Variants in ANAPC1 observed in about 807,000 individuals in gnomAD.
The protein encoded by ANAPC1 is anaphase promoting complex subunit 1.
In ANAPC1, 36 loss-of-function variants were observed where a neutral mutation model predicts 208.0. That is an observed-to-expected ratio of 0.17 (90% CI 0.13 to 0.23). The LOEUF (loss-of-function observed/expected upper bound fraction) is 0.23, where lower values mean the gene tolerates loss of function less well. Ranked by LOEUF, ANAPC1 falls within the 10% of genes least tolerant of loss-of-function variation. The pLI is 1.00. For missense variants in ANAPC1, 942 were observed against 2,011.6 expected (o/e 0.47, Z 10.17); for synonymous variants, 378 against 695.2 (o/e 0.54, Z 7.18).
At chr2:111,788,851 C>T (rs1371283483) in intron 38 of ANAPC1, among the ~76,000 whole-genome samples, 1 of 151,832 alleles carries the variant, frequency 6.6e-6, no homozygotes, top group South Asian at 2.1e-4. Context: ...TAAAAAGTTA[C>T]AACGAGGCCA....
intron 3 of ANAPC1, among the ~76,000 whole-genome samples, chr2:111,878,384 T>C (rs1296339944): frequency 1.3e-5 from 2 of 152,256 alleles, no homozygotes; most frequent in Non-Finnish European, 2.9e-5. Context: ...CAGTTAGTTA[T>C]AACAGCCAAC....
At chr2:111,830,222 G>A (rs1680061975) in intron 21 of ANAPC1, among the ~76,000 whole-genome samples, 1 of 152,184 alleles carries the variant, frequency 6.6e-6, no homozygotes. Flanking sequence ...AGAAAGTCCA[G>A]AAACAGACAC....
At chr2:111,874,204 T>C (rs982433255) in intron 3 of ANAPC1, among the ~76,000 whole-genome samples, 4 of 152,202 alleles carry the variant, frequency 2.6e-5, no homozygotes, top group African/African-American at 9.6e-5. Context: ...CTGACATACC[T>C]GGCAATCACT....
intron 13 of ANAPC1, among the ~76,000 whole-genome samples, chr2:111,856,069 A>G (rs1327651340): frequency 6.6e-6 from 1 of 152,264 alleles, no homozygotes; most frequent in Non-Finnish European, 1.5e-5. Context: ...CCCCGTCTCT[A>G]CTAAAAATAC....
At position 111,805,793 on chromosome 2, in the gene ANAPC1, T is replaced by A. The variant is rs1478554324; in HGVS notation, c.3924+9A>T. The stretch of plus-strand genomic sequence containing the variant: ...AACTGAAGCATGGGAAGGCATAGGC[T>A]ATGCTTACCCCCAAGCAGACCATGC... On this transcript the variant is annotated intron_variant, in intron 30 of 47. Transcript: ENST00000341068. 5 of 322,910 alleles carry A rather than the reference T, an allele frequency of 1.5e-5. No individual in the cohort carries two copies. Among genetic ancestry groups the A allele is most frequent in the Non-Finnish European group, 2.7e-5 (5 of 186,260 alleles). The allele number at this position is 322,910 out of a possible 1,614,324, so 20.0% of individuals were successfully genotyped here. A position where few individuals can be genotyped will look rare whatever the true frequency, so the allele number is the denominator to read the frequency against.
chr2:111,879,709 A>G (rs1683198361), intron 2 of ANAPC1, among the ~76,000 whole-genome samples: 1 of 151,772 alleles, frequency 6.6e-6, no homozygotes, highest in South Asian at 2.1e-4. Flanking sequence ...CGCCTCTACT[A>G]AAAAAATACA....
At chr2:111,866,207 A>C (rs1268046446) in intron 7 of ANAPC1, 1 of 318,648 alleles carries the variant, frequency 3.1e-6, no homozygotes, top group Non-Finnish European at 6.1e-6. Flanking sequence ...CTGTCTCAAA[A>C]AAAAAAAAAA....
At chr2:111,810,306 G>T (rs1001937255) in intron 28 of ANAPC1, among the ~76,000 whole-genome samples, 15 of 145,120 alleles carry the variant, frequency 1.0e-4, no homozygotes, top group African/African-American at 3.2e-4. Flanking sequence ...TGAAGGTGGG[G>T]GGGGGTGAGG....
intron 24 of ANAPC1, among the ~76,000 whole-genome samples, chr2:111,823,072 C>T (rs1355669238): frequency 1.6e-5 from 2 of 127,588 alleles, no homozygotes; most frequent in Non-Finnish European, 3.1e-5. Flanking sequence ...TGCAGTGGCG[C>T]GATCTTGGCT....
rs1680262039 is a variant in ANAPC1 at position 111,833,263 on chromosome 2, T to C, written c.2433A>G (p.Pro811=). 2 of 1,603,680 alleles carry C rather than the reference T, an allele frequency of 1.2e-6. No homozygotes were observed. Among genetic ancestry groups the C allele is most frequent in the African/African-American group, 1.3e-5 (1 of 74,820 alleles). The change falls in exon 20 of 48, where the codon CCA becomes CCG. Residue 811 remains proline, a synonymous_variant. Coordinates refer to ENST00000341068, the MANE Select transcript of ANAPC1 (RefSeq NM_022662.4). ...CTTGTCCAGTAGTTCTGACAAGCGT[T>C]GGGTAGTCTCTATAGTAATGATCTA... is the stretch of plus-strand genomic sequence containing the variant. ...PYVDHYYRDY[P]TLVRTTGQVC... is the part of the protein sequence containing the mutation.
chr2:111,854,930 A>T (rs1681616899), intron 13 of ANAPC1, among the ~76,000 whole-genome samples: 1 of 152,178 alleles, frequency 6.6e-6, no homozygotes. Context: ...TTTCCTCTGC[A>T]TGCACAAGTT....
At chr2:111,882,291 C>CT (rs1167444147) in intron 1 of ANAPC1, among the ~76,000 whole-genome samples, 1 of 152,042 alleles carries the variant, frequency 6.6e-6, no homozygotes, top group East Asian at 1.9e-4. Context: ...AAGTAAAACA[C>CT]TTTATCTGCT....
chr2:111,876,108 G>A (rs1348439525), intron 3 of ANAPC1, among the ~76,000 whole-genome samples: 2 of 152,050 alleles, frequency 1.3e-5, no homozygotes, highest in East Asian at 1.9e-4. Flanking sequence ...ACTTGCAGAA[G>A]ACCAGGCACA....
chr2:111,857,522 C>G (rs1267091897), intron 11 of ANAPC1, among the ~76,000 whole-genome samples: 3 of 152,174 alleles, frequency 2.0e-5, no homozygotes, highest in African/African-American at 7.2e-5. Context: ...TAGCTACAAT[C>G]AAAGAGTGTG....
chr2:111,832,120 C>G lies in ANAPC1; in HGVS notation c.2477-686G>C, dbSNP rs372208620. Among the ~76,000 whole-genome samples, 34 of 149,326 alleles carry G rather than the reference C, an allele frequency of 2.3e-4. 1 individual carries two copies. Among genetic ancestry groups the G allele is most frequent in the African/African-American group, 8.1e-4 (33 of 40,712 alleles). On this transcript the variant is annotated intron_variant, in intron 20 of 47. Transcript: ENST00000341068. ...CCAGCCTGGCCAACATGGTGAAACC[C>G]CATCACTACTAAAAATACAAAAATT...
intron 24 of ANAPC1, among the ~76,000 whole-genome samples, chr2:111,822,993 TTTTA>T (rs1370925595): frequency 7.1e-6 from 1 of 140,900 alleles, no homozygotes; most frequent in East Asian, 2.1e-4. Flanking sequence ...TAATAATTCT[TTTTA>T]TTCTTTTTTT....
intron 21 of ANAPC1, among the ~76,000 whole-genome samples, chr2:111,830,920 T>C (rs1680094344): frequency 6.6e-6 from 1 of 152,234 alleles, no homozygotes; most frequent in Non-Finnish European, 1.5e-5. Flanking sequence ...AAAACTTATG[T>C]TCACATAAAA....
At chr2:111,777,474 T>C (rs1048940601) in intron 45 of ANAPC1, among the ~76,000 whole-genome samples, 2 of 150,954 alleles carry the variant, frequency 1.3e-5, no homozygotes, top group African/African-American at 4.9e-5. Context: ...TCACTACAGC[T>C]GCAACCAGAG....
At position 111,873,518 on chromosome 2, in the gene ANAPC1, C is replaced by T; in HGVS notation, c.427+95G>A. On this transcript the variant is annotated intron_variant, in intron 4 of 47. Transcript: ENST00000341068. ...ATATAAAGATGCTTATGGTAAACCA[C>T]TATTACTAGTGGCTACTTCATTTGA... 4.1e-6 allele frequency: 6 copies of T among 1,474,714 alleles called. No individual in the cohort carries two copies. The South Asian group carries it at 5.7e-5, about 14-fold the overall frequency. 91.4% of individuals were successfully genotyped at this position (1,474,714 alleles called of 1,614,324 possible). A position where few individuals can be genotyped will look rare whatever the true frequency, so the allele number is the denominator to read the frequency against.
Sources: gnomAD v4.1 joint callset for allele counts (sites outside exome capture counted in the v4.1 genomes callset) on GRCh38, gnomAD v4.1.1 for gene constraint, MANE v1.5 for transcripts, NCBI Gene and HGNC (gene_info 2026-07-23, HGNC 2026-07-21) for gene names.